Variants in ELOVL6 observed in about 807,000 individuals in gnomAD.
ELOVL6 encodes ELOVL fatty acid elongase 6.
In ELOVL6, 8 loss-of-function variants were observed where a neutral mutation model predicts 31.7. The ratio of observed to expected loss-of-function variants is 0.25; its 90% CI spans 0.15 to 0.45. ELOVL6 has a LOEUF of 0.45. ELOVL6 is among the 20% of genes least tolerant of loss of function. The probability of loss-of-function intolerance (pLI) is 1.00; values close to 1 mark genes in which losing one functional copy is unlikely to be tolerated. For synonymous variants in ELOVL6, 101 were observed against 117.7 expected, an observed-to-expected ratio of 0.86 and a Z score of 0.92; for missense variants, 126 against 326.4, an observed-to-expected ratio of 0.39 and a Z score of 4.73.
chr4:110,051,503 C>T lies in ELOVL6; in HGVS notation c.633G>A (p.Val211=), dbSNP rs754449355. The change falls in exon 4 of 4, where the codon GTG becomes GTA. Residue 211 remains valine, a synonymous_variant. Transcript: ENST00000302274. This position sits in a 1 kb window ranked among gnomAD's most constrained non-coding sequence, Gnocchi z 4.8. ...TCCAGCAGAAGACCAGGTAGTTAAC[C>T]ACACAGCCCATCAGCATCTGAGTGA... The part of the protein sequence containing the change: ...SQITQMLMGC[V]VNYLVFCWMQ... The T allele has an allele frequency of 6.2e-7, 1 of 1,614,094 alleles. No individual in the cohort carries two copies. Among genetic ancestry groups the T allele is most frequent in the East Asian group, 2.2e-5 (1 of 44,884 alleles).
intron 1 of ELOVL6, among the ~76,000 whole-genome samples, chr4:110,147,680 A>C (rs1240226156): frequency 6.6e-6 from 1 of 151,740 alleles, no homozygotes; most frequent in Non-Finnish European, 1.5e-5. Flanking sequence ...ATTCCCAGAT[A>C]CTTGAGAGGC....
In ELOVL6 at chr4:110,198,422, G is replaced by C. The variant is rs1453092716; in HGVS notation, c.-87C>G. 2 of 833,142 alleles carry C rather than the reference G, an allele frequency of 2.4e-6. No individual in the cohort carries two copies. Among genetic ancestry groups the C allele is most frequent in the Non-Finnish European group, 3.9e-6 (2 of 506,956 alleles). 51.6% of individuals were successfully genotyped at this position (833,142 alleles called of 1,614,324 possible). On this transcript the variant is annotated 5_prime_UTR_variant, in exon 1 of 4. Transcript: ENST00000302274. ...CTTGATTTCGAGTGTTCTCCTGTCT[G>C]CTTCCCCCACCCACCCCCCTAGGTC...
At chr4:110,090,991 A>G (rs1452599508) in intron 2 of ELOVL6, among the ~76,000 whole-genome samples, 1 of 152,226 alleles carries the variant, frequency 6.6e-6, no homozygotes, top group Non-Finnish European at 1.5e-5. Flanking sequence ...GAAATACAGA[A>G]GGTATTATAA....
At chr4:110,141,630 G>A (rs1757959048) in intron 1 of ELOVL6, among the ~76,000 whole-genome samples, 1 of 150,298 alleles carries the variant, frequency 6.7e-6, no homozygotes. Context: ...TGATCCTACA[G>A]CATTAATATT....
Position 110,077,334 on chromosome 4 carries a change from C to T in ELOVL6, c.222-17580G>A, listed in dbSNP as rs539366323. ...CCCCGAGTAGCCTAACTAGGAGGCA[C>T]CCCCCAGTAGGGACAGACTGACACC... On this transcript the variant is annotated intron_variant, in intron 2 of 3. Transcript: ENST00000302274. 2.8e-3 allele frequency among the ~76,000 whole-genome samples: 430 copies of T among 152,244 alleles called. 1 individual carries two copies. The highest frequency in any genetic ancestry group is 4.2e-3 in the Non-Finnish European group (286 of 68,016).
At chr4:110,177,558 T>G (rs1007557091) in intron 1 of ELOVL6, among the ~76,000 whole-genome samples, 68 of 152,196 alleles carry the variant, frequency 4.5e-4, no homozygotes, top group African/African-American at 1.4e-3. Flanking sequence ...ATAAAAAGGC[T>G]CCCATGCCAC....
At chr4:110,185,988 G>A (rs146846348) in intron 1 of ELOVL6, among the ~76,000 whole-genome samples, 1,555 of 152,154 alleles carry the variant, frequency 0.01, 25 homozygotes, top group African/African-American at 0.036. Context: ...TCAGGAGTTC[G>A]AGACCACCCT....
chr4:110,127,420 A>AG (rs982473078), intron 1 of ELOVL6, among the ~76,000 whole-genome samples: 2 of 150,646 alleles, frequency 1.3e-5, no homozygotes, highest in East Asian at 3.9e-4. Context: ...AAAAAAAAAA[A>AG]AAAAAGAAAA....
intron 2 of ELOVL6, among the ~76,000 whole-genome samples, chr4:110,082,744 T>C (rs1317786521): frequency 6.6e-6 from 1 of 152,102 alleles, no homozygotes; most frequent in African/African-American, 2.4e-5. Context: ...CAAAGTATAA[T>C]AAAAAAATAA....
intron 2 of ELOVL6, among the ~76,000 whole-genome samples, chr4:110,068,454 G>A (rs1443299093): frequency 6.6e-6 from 1 of 152,098 alleles, no homozygotes; most frequent in Non-Finnish European, 1.5e-5. Context: ...TGCACTCTAC[G>A]GCTGCTGTCT....
At chr4:110,090,493 A>T (rs868617842) in intron 2 of ELOVL6, among the ~76,000 whole-genome samples, 11 of 151,900 alleles carry the variant, frequency 7.2e-5, no homozygotes, top group African/African-American at 2.7e-4. Flanking sequence ...TGTGACTCAC[A>T]CTTGGTGCTG....
At chr4:110,133,842 T>G (rs1302559610) in intron 1 of ELOVL6, among the ~76,000 whole-genome samples, 1 of 152,242 alleles carries the variant, frequency 6.6e-6, no homozygotes, top group South Asian at 2.1e-4. Flanking sequence ...AGGCACTGAT[T>G]AAATGTCTAT....
chr4:110,177,301 G>A (rs1759138076), intron 1 of ELOVL6, among the ~76,000 whole-genome samples: 1 of 152,056 alleles, frequency 6.6e-6, no homozygotes, highest in Non-Finnish European at 1.5e-5. Context: ...TGTCAGGTGT[G>A]GTGGCATGTC....
intron 1 of ELOVL6, among the ~76,000 whole-genome samples, chr4:110,131,772 G>A (rs1757676088): frequency 1.3e-5 from 2 of 152,170 alleles, no homozygotes; most frequent in East Asian, 3.8e-4. Flanking sequence ...CACTGGTCTA[G>A]ACAGTTCTAG....
intron 3 of ELOVL6, 44 bp downstream of exon 3, chr4:110,059,559 T>A: frequency 1.3e-6 from 2 of 1,585,968 alleles, no homozygotes; most frequent in African/African-American, 1.3e-5. Flanking sequence ...ACTGTGGATA[T>A]GTTGCTACAA....
At chr4:110,179,047 T>C (rs1045248283) in intron 1 of ELOVL6, among the ~76,000 whole-genome samples, 1 of 152,126 alleles carries the variant, frequency 6.6e-6, no homozygotes, top group Non-Finnish European at 1.5e-5. Flanking sequence ...TGCAAAAGTA[T>C]GTATTTTTTT....
At chr4:110,104,733 T>C (rs1756839098) in intron 2 of ELOVL6, among the ~76,000 whole-genome samples, 1 of 152,202 alleles carries the variant, frequency 6.6e-6, no homozygotes, top group African/African-American at 2.4e-5. Context: ...GGTGCCTTTG[T>C]TAGCACTCTA....
chr4:110,114,919 C>T (rs542407470), intron 1 of ELOVL6, among the ~76,000 whole-genome samples: 5 of 152,062 alleles, frequency 3.3e-5, no homozygotes, highest in Non-Finnish European at 7.4e-5. Context: ...ATAAACATAT[C>T]CATGTTTATG....
At chr4:110,105,085 C>T (rs1043489968) in intron 2 of ELOVL6, among the ~76,000 whole-genome samples, 5 of 152,190 alleles carry the variant, frequency 3.3e-5, no homozygotes, top group Admixed American at 2.6e-4. Context: ...GTCTAAGTGT[C>T]ATCTTTTGAT....
Sources: allele counts gnomAD v4.1 joint callset (sites outside exome capture counted in the v4.1 genomes callset), GRCh38; gene constraint gnomAD v4.1.1; non-coding constraint Gnocchi (gnomAD v3.1); transcripts MANE v1.5; gene names NCBI Gene and HGNC (gene_info 2026-07-23, HGNC 2026-07-21).